TM2D1: variants seen among roughly 807,000 people sequenced by gnomAD.
The protein encoded by TM2D1 is TM2 domain containing 1.
TM2D1 carries 15 observed loss-of-function variants against 28.4 expected under a neutral mutation model. The ratio of observed to expected loss-of-function variants is 0.53; its 90% CI spans 0.35 to 0.81. The LOEUF is 0.81. TM2D1 is among the 40% of genes least tolerant of loss of function. TM2D1 has a pLI of 0.01. For synonymous variants in TM2D1, 93 were observed against 96.2 expected, an observed-to-expected ratio of 0.97 and a Z score of 0.20; for missense variants, 236 against 254.9, an observed-to-expected ratio of 0.93 and a Z score of 0.50.
At chr1:61,704,044 CCA>C (rs1644423767) in intron 3 of TM2D1, among the ~76,000 whole-genome samples, 1 of 151,832 alleles carries the variant, frequency 6.6e-6, no homozygotes, top group Non-Finnish European at 1.5e-5. Context: ...GCACCAGCCA[CCA>C]CATCCAGCTA....
chr1:61,708,801 T>G (rs928112598), intron 3 of TM2D1, among the ~76,000 whole-genome samples: 1 of 152,102 alleles, frequency 6.6e-6, no homozygotes, highest in African/African-American at 2.4e-5. Flanking sequence ...TTTATAGTCT[T>G]TATTTGTCCC....
intron 5 of TM2D1, among the ~76,000 whole-genome samples, chr1:61,685,215 G>A (rs950886970): frequency 6.6e-6 from 1 of 152,178 alleles, no homozygotes; most frequent in African/African-American, 2.4e-5. Context: ...ATAATGGTTA[G>A]TGAAGAGTTC....
intron 4 of TM2D1, among the ~76,000 whole-genome samples, chr1:61,695,274 T>C (rs1281023667): frequency 1.3e-5 from 2 of 152,134 alleles, no homozygotes; most frequent in South Asian, 2.1e-4. Context: ...ATTACCTTTA[T>C]CTTATATATT....
chr1:61,686,499 A>T (rs1436178765), intron 5 of TM2D1, among the ~76,000 whole-genome samples: 1 of 152,008 alleles, frequency 6.6e-6, no homozygotes, highest in East Asian at 1.9e-4. Context: ...TCTACAAAAA[A>T]AAAAAATACA....
intron 3 of TM2D1, among the ~76,000 whole-genome samples, chr1:61,703,343 T>A (rs1231512441): frequency 6.8e-6 from 1 of 147,636 alleles, no homozygotes; most frequent in Non-Finnish European, 1.5e-5. Flanking sequence ...ATGGTAATGT[T>A]ATATATGACA....
At chr1:61,691,921 T>TAAAAAAA (rs1316880566) in intron 5 of TM2D1, among the ~76,000 whole-genome samples, 72 of 62,034 alleles carry the variant, frequency 1.2e-3, no homozygotes, top group East Asian at 3.5e-3. Context: ...AAAAAAAACT[T>TAAAAAAA]AAAAAAAAAA....
At chr1:61,723,434 T>A (rs1162373909) in intron 2 of TM2D1, among the ~76,000 whole-genome samples, 2 of 152,238 alleles carry the variant, frequency 1.3e-5, no homozygotes, top group African/African-American at 4.8e-5. Flanking sequence ...ATATAAAATA[T>A]AAGTACACTT....
intron 5 of TM2D1, among the ~76,000 whole-genome samples, chr1:61,693,892 T>C (rs1271678598): frequency 6.6e-6 from 1 of 152,220 alleles, no homozygotes; most frequent in Non-Finnish European, 1.5e-5. Flanking sequence ...AATTCATCTC[T>C]TTCTCTAAGA....
intron 3 of TM2D1, among the ~76,000 whole-genome samples, chr1:61,707,011 T>TC (rs1644446493): frequency 6.6e-6 from 1 of 152,164 alleles, no homozygotes; most frequent in African/African-American, 2.4e-5. Context: ...TCCCAGCACC[T>TC]TGAGAGCCCG....
chr1:61,684,611 T>G (rs1360850134), intron 5 of TM2D1, among the ~76,000 whole-genome samples: 1 of 152,168 alleles, frequency 6.6e-6, no homozygotes, highest in Non-Finnish European at 1.5e-5. Context: ...CCAATAACAT[T>G]TTACATCTTT....
chr1:61,694,756 A>C lies in TM2D1; in HGVS notation c.454T>G (p.Cys152Gly). ...GYPALGLLKF[C>G]TVGFCGIGSL... ...CCAATTCCACAAAACCCTACAGTGC[A>C]AAACTTTAACAAACCTAGAAAAGAA... The change falls in exon 5 of 7, where the codon TGC (cysteine) becomes GGC (glycine). Residue 152 changes from cysteine (C) to glycine (G), a missense_variant. Cys to Gly is a radical substitution (Grantham distance 159). Transcript: ENST00000606498. 1 of 1,601,940 alleles carries C rather than the reference A, an allele frequency of 6.2e-7. No homozygotes were observed. Among genetic ancestry groups the C allele is most frequent in the Non-Finnish European group, 8.5e-7 (1 of 1,175,060 alleles).
Position 61,715,772 on chromosome 1 carries a change from T to C in TM2D1, c.239-6335A>G, listed in dbSNP as rs148394419. On this transcript the variant is annotated intron_variant, in intron 2 of 6. Transcript: ENST00000606498. Reference sequence around the variant, plus strand: ...TTAGAAAAGGTATTCAAAAAGTGTTTAGGGGCTTGAGCCCAGGAGGTTTTT... The same window carrying C: ...TTAGAAAAGGTATTCAAAAAGTGTTCAGGGGCTTGAGCCCAGGAGGTTTTT... 1.7e-3 allele frequency among the ~76,000 whole-genome samples: 251 copies of C among 151,832 alleles called. 1 individual carries two copies. Among genetic ancestry groups the C allele is most frequent in the African/African-American group, 5.3e-3 (220 of 41,446 alleles).
At chr1:61,720,062 T>C (rs770735350) in intron 2 of TM2D1, among the ~76,000 whole-genome samples, 5 of 152,152 alleles carry the variant, frequency 3.3e-5, no homozygotes, top group Non-Finnish European at 7.3e-5. Flanking sequence ...TATACTTAGA[T>C]GCACTTTTCT....
intron 5 of TM2D1, among the ~76,000 whole-genome samples, chr1:61,692,758 T>C (rs1432809841): frequency 6.6e-6 from 1 of 152,150 alleles, no homozygotes; most frequent in Non-Finnish European, 1.5e-5. Context: ...AGAATAAGGC[T>C]ACCCATCTTA....
intron 1 of TM2D1, chr1:61,724,465 A>C (rs557104090): frequency 1.3e-5 from 2 of 152,800 alleles, no homozygotes; most frequent in Non-Finnish European, 2.9e-5. Flanking sequence ...TTTGTCTGGC[A>C]GTCTACCATC....
chr1:61,705,901 G>C (rs1644436864), intron 3 of TM2D1, among the ~76,000 whole-genome samples: 1 of 152,038 alleles, frequency 6.6e-6, no homozygotes, highest in Admixed American at 6.6e-5. Flanking sequence ...ATACATTATA[G>C]AATATTTGCA....
At chr1:61,682,931 T>C (rs1263889849) in intron 6 of TM2D1, among the ~76,000 whole-genome samples, 3 of 150,120 alleles carry the variant, frequency 2.0e-5, no homozygotes, top group Non-Finnish European at 3.0e-5. Context: ...AAGATAAAGC[T>C]GAGGCCAATA....
At chr1:61,716,859 T>C (rs1284025727) in intron 2 of TM2D1, among the ~76,000 whole-genome samples, 1 of 152,104 alleles carries the variant, frequency 6.6e-6, no homozygotes, top group East Asian at 1.9e-4. Flanking sequence ...TTTCTTTTTC[T>C]TTCCTTTCAC....
chr1:61,696,060 A>C (rs1443413193), intron 4 of TM2D1: 1 of 152,146 alleles, frequency 6.6e-6, no homozygotes, highest in African/African-American at 2.4e-5. Context: ...CATTTCATCC[A>C]TTACCTTAAT....
Sources: gnomAD v4.1 joint callset for allele counts (sites outside exome capture counted in the v4.1 genomes callset) on GRCh38, gnomAD v4.1.1 for gene constraint, MANE v1.5 for transcripts, NCBI Gene and HGNC (gene_info 2026-07-23, HGNC 2026-07-21) for gene names.